Variants in FLT1 observed in about 807,000 individuals in gnomAD.
FLT1 encodes vascular endothelial growth factor receptor 1.
FLT1 carries 49 observed loss-of-function variants against 156.3 expected under a neutral mutation model. The observed-to-expected ratio is 0.31, with a 90% confidence interval of 0.25 to 0.40. The LOEUF is 0.40. FLT1 is among the 10% of genes least tolerant of loss of function. FLT1 has a pLI of 1.00. For synonymous variants in FLT1, 594 were observed against 583.8 expected (o/e 1.02, Z -0.25); for missense variants, 1,322 against 1,637.2 (o/e 0.81, Z 3.32).
intron 17 of FLT1, 58 bp downstream of exon 17, chr13:28,339,110 T>G: frequency 1.3e-6 from 2 of 1,546,904 alleles, no homozygotes; most frequent in Non-Finnish European, 1.8e-6. Context: ...AAGCACAGTG[T>G]TTTTCATGTA....
chr13:28,343,025 C>T (rs1872404315), intron 16 of FLT1, among the ~76,000 whole-genome samples: 1 of 151,998 alleles, frequency 6.6e-6, no homozygotes, highest in Non-Finnish European at 1.5e-5. Flanking sequence ...GTCACCCAGG[C>T]TAGAATGCAG....
At chr13:28,413,109 G>C (rs1332782179) in intron 10 of FLT1, among the ~76,000 whole-genome samples, 1 of 152,050 alleles carries the variant, frequency 6.6e-6, no homozygotes, top group Non-Finnish European at 1.5e-5. Context: ...AATGGAGAAG[G>C]GGGAGTGGAG....
At chr13:28,373,533 T>A (rs1240926690) in intron 14 of FLT1, among the ~76,000 whole-genome samples, 2 of 152,348 alleles carry the variant, frequency 1.3e-5, no homozygotes, top group Admixed American at 1.3e-4. Flanking sequence ...CTGATTAAAC[T>A]GTCTGAAGTT....
rs539081231 is a variant in FLT1, at chr13:28,326,873, G to A, written c.2796+589C>T. Among the ~76,000 whole-genome samples, 10 of 152,244 alleles carry A rather than the reference G, an allele frequency of 6.6e-5. No homozygotes were observed. The East Asian group carries it at 1.7e-3, about 26-fold the overall frequency. On this transcript the variant is annotated intron_variant, in intron 20 of 29. Coordinates refer to ENST00000282397, the MANE Select transcript of FLT1 (RefSeq NM_002019.4). Reference sequence around the variant, plus strand: ...TTGCCCTTAGGTCTTGGGTCCACATGTTCCTTTTACTACACAGCTTTTATT... The same window carrying A: ...TTGCCCTTAGGTCTTGGGTCCACATATTCCTTTTACTACACAGCTTTTATT...
At chr13:28,347,477 C>T (rs1235389249) in intron 15 of FLT1, among the ~76,000 whole-genome samples, 1 of 151,906 alleles carries the variant, frequency 6.6e-6, no homozygotes, top group African/African-American at 2.4e-5. Flanking sequence ...GCTGAGATCG[C>T]ACCACTGCAC....
chr13:28,311,842 T>C, intron 26 of FLT1, 110 bp from the exon 27 acceptor site: 1 of 1,319,238 alleles, frequency 7.6e-7, no homozygotes, highest in Non-Finnish European at 1.1e-6. Flanking sequence ...GGTTGTGTTT[T>C]GAGAAGATAA....
In FLT1 at chr13:28,322,730, G is replaced by T; in HGVS notation, c.2953+60C>A. 2 of 1,523,130 alleles carry T rather than the reference G, an allele frequency of 1.3e-6. No individual in the cohort carries two copies. The highest frequency in any genetic ancestry group is 1.4e-5 in the African/African-American group (1 of 73,102). 94.4% of individuals were successfully genotyped at this position (1,523,130 alleles called of 1,614,324 possible). ...TGATAAATAAGAAAAAAATTTCAGA[G>T]ATGCATAGTATGTTGTAAAAATATC... On this transcript the variant is annotated intron_variant, in intron 21 of 29. Transcript: ENST00000282397. This position sits in a 1 kb window ranked among gnomAD's most constrained non-coding sequence, Gnocchi z 4.3.
At chr13:28,431,051 C>G (rs1877649226) in intron 7 of FLT1, 85 bp downstream of exon 7, 1 of 1,256,136 alleles carries the variant, frequency 8.0e-7, no homozygotes, top group Admixed American at 1.7e-5. Flanking sequence ...TCTTGGCCAA[C>G]AGAAAACTGA....
chr13:28,458,496 T>C (rs1879393351), intron 3 of FLT1, among the ~76,000 whole-genome samples: 1 of 152,224 alleles, frequency 6.6e-6, no homozygotes, highest in Non-Finnish European at 1.5e-5. Context: ...ACATTTTACA[T>C]GTCCACACAC....
At position 28,302,631 on chromosome 13, in the gene FLT1, A is replaced by G. The variant is rs983128761; in HGVS notation, c.*536T>C. 1 of 235,110 alleles carries G rather than the reference A, an allele frequency of 4.3e-6. No homozygotes were observed. Among genetic ancestry groups the G allele is most frequent in the Non-Finnish European group, 8.4e-6 (1 of 119,458 alleles). The allele number at this position is 235,110 out of a possible 1,614,324, so 14.6% of individuals were successfully genotyped here. On this transcript the variant is annotated 3_prime_UTR_variant, in exon 30 of 30. Transcript: ENST00000282397. ...CTCCGTGCCCACATGGTGCGTCTCA[A>G]ATTCTTTCTCATGCCTTCTCCCGGT... is the stretch of plus-strand genomic sequence containing the variant.
chr13:28,338,178 A>T (rs1285923588), intron 17 of FLT1, among the ~76,000 whole-genome samples: 1 of 152,172 alleles, frequency 6.6e-6, no homozygotes, highest in Admixed American at 6.5e-5. Flanking sequence ...GAAAAACAAA[A>T]GCCATTTTCC....
At chr13:28,452,632 T>C (rs1879014336) in intron 3 of FLT1, among the ~76,000 whole-genome samples, 1 of 152,176 alleles carries the variant, frequency 6.6e-6, no homozygotes, top group Non-Finnish European at 1.5e-5. Flanking sequence ...AATTCTTAGA[T>C]AGTTGTTCTG....
intron 1 of FLT1, among the ~76,000 whole-genome samples, chr13:28,488,887 A>C (rs1881323148): frequency 6.6e-6 from 1 of 152,200 alleles, no homozygotes; most frequent in African/African-American, 2.4e-5. Flanking sequence ...CCCAGCACCC[A>C]AGGACTTGGG....
intron 17 of FLT1, among the ~76,000 whole-genome samples, chr13:28,336,164 C>T (rs958724171): frequency 6.6e-6 from 1 of 152,194 alleles, no homozygotes. Context: ...CCGTCTTAGC[C>T]GTCACAACAC....
chr13:28,399,821 G>A (rs753397691), intron 11 of FLT1, among the ~76,000 whole-genome samples: 9 of 152,278 alleles, frequency 5.9e-5, no homozygotes, highest in Admixed American at 5.2e-4. Context: ...AGAAAACAAC[G>A]TTGATGGGAG....
chr13:28,456,566 G>C (rs1265650426), intron 3 of FLT1, among the ~76,000 whole-genome samples: 1 of 152,102 alleles, frequency 6.6e-6, no homozygotes, highest in Non-Finnish European at 1.5e-5. Context: ...AGGAGGCGGA[G>C]GTGGGTGGAT....
At chr13:28,345,231 A>G (rs1872519987) in intron 16 of FLT1, among the ~76,000 whole-genome samples, 1 of 152,130 alleles carries the variant, frequency 6.6e-6, no homozygotes, top group East Asian at 1.9e-4. Context: ...AGTATTCATC[A>G]GTTCATTGTT....
intron 13 of FLT1, chr13:28,385,734 A>G: frequency 8.2e-6 from 8 of 972,044 alleles, no homozygotes; most frequent in Non-Finnish European, 9.9e-6. Context: ...AATACAATTT[A>G]TTTTAATAAA....
At chr13:28,485,128 A>C (rs1351028762) in intron 1 of FLT1, among the ~76,000 whole-genome samples, 1 of 152,202 alleles carries the variant, frequency 6.6e-6, no homozygotes, top group Non-Finnish European at 1.5e-5. Flanking sequence ...TAAATATATA[A>C]TTGAAATAAA....
Sources: gnomAD v4.1 joint callset for allele counts (sites outside exome capture counted in the v4.1 genomes callset) on GRCh38, gnomAD v4.1.1 for gene constraint, Gnocchi (gnomAD v3.1) non-coding constraint, MANE v1.5 for transcripts, NCBI Gene and HGNC (gene_info 2026-07-23, HGNC 2026-07-21) for gene names.